Variants in TGFBR3 observed in about 807,000 individuals in gnomAD.
TGFBR3 encodes the protein transforming growth factor beta receptor type 3.
In TGFBR3, 46 loss-of-function variants were observed where a neutral mutation model predicts 87.9. The ratio of observed to expected loss-of-function variants is 0.52; its 90% CI spans 0.41 to 0.67. TGFBR3 has a LOEUF of 0.67. TGFBR3 is among the 30% of genes least tolerant of loss of function. The probability of loss-of-function intolerance (pLI) is 0.00; values close to 1 mark genes in which losing one functional copy is unlikely to be tolerated. For synonymous variants in TGFBR3, 381 were observed against 391.6 expected, an observed-to-expected ratio of 0.97 and a Z score of 0.32; for missense variants, 866 against 1,041.9, an observed-to-expected ratio of 0.83 and a Z score of 2.32.
chr1:91,727,885 T>A, intron 6 of TGFBR3, 79 bp from the exon 7 acceptor site: 1 of 1,542,150 alleles, frequency 6.5e-7, no homozygotes, highest in Admixed American at 1.7e-5. Flanking sequence ...CAAGTCTTCA[T>A]GTTTCTAGTG....
intron 14 of TGFBR3, among the ~76,000 whole-genome samples, chr1:91,703,189 T>A (rs1671680538): frequency 6.6e-6 from 1 of 152,184 alleles, no homozygotes; most frequent in African/African-American, 2.4e-5. Context: ...TCCCCTCACC[T>A]CGACCTCAGC....
At chr1:91,716,415 G>A (rs1201427574) in intron 11 of TGFBR3, 21 bp from the exon 12 acceptor site, 3 of 1,614,020 alleles carry the variant, frequency 1.9e-6, no homozygotes, top group African/African-American at 1.3e-5. Context: ...CAACCCACAG[G>A]AAGATTAATG....
chr1:91,738,971 AG>A (rs1457640312), intron 4 of TGFBR3, among the ~76,000 whole-genome samples: 1 of 152,232 alleles, frequency 6.6e-6, no homozygotes, highest in African/African-American at 2.4e-5. Flanking sequence ...CAGGGCAAGG[AG>A]CATTCACAGT....
At chr1:91,766,746 T>C (rs916628221) in intron 3 of TGFBR3, among the ~76,000 whole-genome samples, 5 of 133,516 alleles carry the variant, frequency 3.7e-5, no homozygotes, top group African/African-American at 1.4e-4. Context: ...ATTGCTCCTA[T>C]AGATAGATAG....
chr1:91,836,051 C>A (rs1677052261), intron 2 of TGFBR3, among the ~76,000 whole-genome samples: 1 of 151,770 alleles, frequency 6.6e-6, no homozygotes. Flanking sequence ...AGTTCGAGAC[C>A]AGCCTGACTA....
intron 2 of TGFBR3, among the ~76,000 whole-genome samples, chr1:91,852,293 C>T (rs1196424366): frequency 1.3e-5 from 2 of 152,076 alleles, no homozygotes; most frequent in African/African-American, 4.8e-5. Flanking sequence ...ATCCACCCCA[C>T]CTCCACACAC....
At chr1:91,818,875 A>G (rs1676343896) in intron 2 of TGFBR3, among the ~76,000 whole-genome samples, 2 of 152,086 alleles carry the variant, frequency 1.3e-5, no homozygotes, top group South Asian at 4.1e-4. Context: ...TTTTTTCCAG[A>G]TTTTCTTAGT....
chr1:91,886,308 C>T (rs891225671), upstream of TGFBR3: 8 of 387,698 alleles, frequency 2.1e-5, no homozygotes, highest in South Asian at 9.5e-5. Flanking sequence ...CCTCCCGCCT[C>T]CCGCCTCCCG....
At chr1:91,801,397 T>A (rs977437198) in intron 2 of TGFBR3, among the ~76,000 whole-genome samples, 19 of 151,828 alleles carry the variant, frequency 1.3e-4, no homozygotes, top group Non-Finnish European at 2.4e-4. Context: ...GGGACAGAGT[T>A]AAGTGGCCAG....
intron 2 of TGFBR3, among the ~76,000 whole-genome samples, chr1:91,838,620 G>A (rs926069384): frequency 2.1e-5 from 3 of 140,186 alleles, no homozygotes; most frequent in East Asian, 2.3e-4. Flanking sequence ...CATCACACCC[G>A]ACTAATTTTT....
At chr1:91,894,681 C>T (rs946197661) in intron 2 of TGFBR3, among the ~76,000 whole-genome samples, 3 of 152,268 alleles carry the variant, frequency 2.0e-5, no homozygotes, top group Admixed American at 1.3e-4. Context: ...GCTGTTCCTT[C>T]TAAGTCACCT....
intron 1 of TGFBR3, among the ~76,000 whole-genome samples, chr1:91,865,572 T>C (rs12404119): frequency 0.55 from 83,050 of 151,526 alleles, 22,985 homozygotes; most frequent in Middle Eastern, 0.64. Context: ...TAGGTGAACT[T>C]TGATGAACTG....
intron 3 of TGFBR3, among the ~76,000 whole-genome samples, chr1:91,766,217 T>C (rs1005888322): frequency 2.7e-5 from 4 of 149,642 alleles, no homozygotes; most frequent in Admixed American, 6.7e-5. Flanking sequence ...TTTTTTTTTT[T>C]GTAGAGACAG....
At chr1:91,827,109 T>C (rs957684571) in intron 2 of TGFBR3, among the ~76,000 whole-genome samples, 1 of 152,178 alleles carries the variant, frequency 6.6e-6, no homozygotes, top group African/African-American at 2.4e-5. Flanking sequence ...CCTATTCCTG[T>C]GGTGCCAACA....
chr1:91,871,324 G>C (rs1384558882), intron 1 of TGFBR3, among the ~76,000 whole-genome samples: 1 of 152,280 alleles, frequency 6.6e-6, no homozygotes, highest in East Asian at 1.9e-4. Context: ...TGAAACCAGG[G>C]TGGCAGGCCT....
chr1:91,868,791 C>T (rs565688390), intron 1 of TGFBR3, among the ~76,000 whole-genome samples: 1 of 152,316 alleles, frequency 6.6e-6, no homozygotes, highest in Admixed American at 6.5e-5. Flanking sequence ...TTTTGATAGC[C>T]TGGACAACAT....
intron 3 of TGFBR3, among the ~76,000 whole-genome samples, chr1:91,779,189 A>G (rs1212063218): frequency 6.6e-6 from 1 of 152,212 alleles, no homozygotes; most frequent in Non-Finnish European, 1.5e-5. Flanking sequence ...GAAGTCTTTC[A>G]AAAGATCATG....
At chr1:91,703,094 T>A (rs1040998648) in intron 14 of TGFBR3, among the ~76,000 whole-genome samples, 7 of 151,878 alleles carry the variant, frequency 4.6e-5, no homozygotes, top group East Asian at 1.9e-4. Context: ...AAAAAAAAAA[T>A]ATGATATCCC....
At position 91,681,125 on chromosome 1, in the gene TGFBR3, A is replaced by G; in HGVS notation, c.*2614T>C. ...TACAAGAGTTCAGCTGAAATACAAC[A>G]ATACTTTTAAAGAAACTTGTAGTAC... On this transcript the variant is annotated 3_prime_UTR_variant, in exon 17 of 17. Transcript: ENST00000212355. 2 of 454,164 alleles carry G rather than the reference A, an allele frequency of 4.4e-6. No individual in the cohort carries two copies. The highest frequency in any genetic ancestry group is 3.1e-5 in the South Asian group (2 of 64,478). The allele number at this position is 454,164 out of a possible 1,614,324, so 28.1% of individuals were successfully genotyped here.
Sources: allele counts gnomAD v4.1 joint callset (sites outside exome capture counted in the v4.1 genomes callset), GRCh38; gene constraint gnomAD v4.1.1; transcripts MANE v1.5; gene names NCBI Gene and HGNC (gene_info 2026-07-23, HGNC 2026-07-21).